Variants in FBXL20 observed in about 807,000 individuals in gnomAD.
FBXL20 encodes the protein F-box and leucine rich repeat protein 20, also known as F-box/LRR-repeat protein 20.
Under a neutral mutation model 64.0 loss-of-function variants are expected in FBXL20, and 11 were observed. The observed-to-expected ratio is 0.17, with a 90% confidence interval of 0.11 to 0.28. FBXL20 has a LOEUF of 0.28. Among genes scored for constraint, FBXL20 ranks in the 10% least tolerant of loss-of-function variants. FBXL20 has a pLI of 1.00. For missense variants in FBXL20, 303 were observed against 526.2 expected, an observed-to-expected ratio of 0.58 and a Z score of 4.15; for synonymous variants, 184 against 189.0, an observed-to-expected ratio of 0.97 and a Z score of 0.22.
chr17:39,276,767 A>C (rs2046900035), intron 9 of FBXL20, among the ~76,000 whole-genome samples: 1 of 152,162 alleles, frequency 6.6e-6, no homozygotes, highest in Non-Finnish European at 1.5e-5. Context: ...AATTTGTTGC[A>C]CAATAAGCCA....
chr17:39,282,594 G>GT, intron 8 of FBXL20, 135 bp downstream of exon 8: 1 of 1,150,114 alleles, frequency 8.7e-7, no homozygotes, highest in Non-Finnish European at 1.2e-6. Context: ...TTAATTTTTG[G>GT]TAAGCATTTG....
chr17:39,371,101 C>T (rs538698186), intron 1 of FBXL20, among the ~76,000 whole-genome samples: 33 of 152,126 alleles, frequency 2.2e-4, no homozygotes, highest in Admixed American at 3.9e-4. Flanking sequence ...GCCTGTAATC[C>T]GAGCTACTAA....
chr17:39,279,679 T>C (rs926286786), intron 9 of FBXL20, among the ~76,000 whole-genome samples: 1 of 152,078 alleles, frequency 6.6e-6, no homozygotes, highest in African/African-American at 2.4e-5. Context: ...GTGGATTGCT[T>C]GAGCCCAGGA....
intron 1 of FBXL20, among the ~76,000 whole-genome samples, chr17:39,352,031 T>TTG (rs889228698): frequency 1.3e-5 from 2 of 152,116 alleles, no homozygotes; most frequent in African/African-American, 4.8e-5. Flanking sequence ...ATTAAGCAGC[T>TTG]TGTGTGTGTG....
chr17:39,342,585 C>T (rs532446727), intron 2 of FBXL20, among the ~76,000 whole-genome samples: 167 of 152,218 alleles, frequency 1.1e-3, no homozygotes, highest in Non-Finnish European at 1.8e-3. Flanking sequence ...GGCATGGTGG[C>T]GGGCGCCTGT....
chr17:39,310,110 C>T lies in FBXL20; in HGVS notation c.105-6471G>A, dbSNP rs180985201. ...AGAGGTTGCAGTGAGCTGAGATCGC[C>T]CCACTGCACTCCAGTGACAGAATGA... On this transcript the variant is annotated intron_variant, in intron 2 of 14. Transcript: ENST00000264658. Among the ~76,000 whole-genome samples the T allele has an allele frequency of 7.6e-3, 1,147 of 150,668 alleles. 5 individuals are homozygous for T. Among genetic ancestry groups the T allele is most frequent in the Non-Finnish European group, 0.012 (794 of 67,642 alleles).
At chr17:39,344,787 C>A (rs2047617045) in intron 1 of FBXL20, among the ~76,000 whole-genome samples, 1 of 152,108 alleles carries the variant, frequency 6.6e-6, no homozygotes, top group Admixed American at 6.6e-5. Flanking sequence ...AATACTCTAT[C>A]TCAATAAAAA....
At chr17:39,290,675 C>T (rs2047029562) in intron 6 of FBXL20, among the ~76,000 whole-genome samples, 1 of 152,048 alleles carries the variant, frequency 6.6e-6, no homozygotes. Flanking sequence ...AGCGATCCTC[C>T]CACCTCAGCC....
intron 1 of FBXL20, among the ~76,000 whole-genome samples, chr17:39,386,020 G>A (rs1389605536): frequency 4.7e-5 from 4 of 85,984 alleles, no homozygotes; most frequent in Admixed American, 1.5e-4. Flanking sequence ...CAGAGATTCC[G>A]TCTCAAAAAA....
chr17:39,269,580 C>G (rs2046824139), intron 11 of FBXL20, among the ~76,000 whole-genome samples: 1 of 146,680 alleles, frequency 6.8e-6, no homozygotes, highest in Non-Finnish European at 1.5e-5. Context: ...CTCACTGCAA[C>G]CTCCGCCTCC....
intron 1 of FBXL20, among the ~76,000 whole-genome samples, chr17:39,360,711 C>T (rs568147540): frequency 1.3e-5 from 2 of 152,216 alleles, no homozygotes; most frequent in South Asian, 2.1e-4. Flanking sequence ...GCTTTCTTCC[C>T]GAACGCTGGC....
intron 1 of FBXL20, among the ~76,000 whole-genome samples, chr17:39,348,399 G>C (rs113131036): frequency 2.6e-5 from 4 of 152,110 alleles, no homozygotes; most frequent in African/African-American, 9.6e-5. Context: ...AGCGGAGGTT[G>C]CAGTGAGCCG....
chr17:39,343,086 A>G (rs2047598245), intron 2 of FBXL20, 94 bp downstream of exon 2: 9 of 767,280 alleles, frequency 1.2e-5, no homozygotes, highest in Non-Finnish European at 1.9e-5. Context: ...CAGATACTAT[A>G]CATATATGAA....
At chr17:39,349,839 G>A (rs1459541460) in intron 1 of FBXL20, among the ~76,000 whole-genome samples, 1 of 151,812 alleles carries the variant, frequency 6.6e-6, no homozygotes, top group Non-Finnish European at 1.5e-5. Flanking sequence ...AGGAGGCTGA[G>A]GCAGGAGAAT....
At chr17:39,325,538 CT>C (rs1431660079) in intron 2 of FBXL20, among the ~76,000 whole-genome samples, 1 of 152,124 alleles carries the variant, frequency 6.6e-6, no homozygotes, top group African/African-American at 2.4e-5. Context: ...ATGACAATTT[CT>C]AGTTTTACAG....
chr17:39,290,887 C>T (rs1170841116), intron 6 of FBXL20, among the ~76,000 whole-genome samples: 1 of 151,972 alleles, frequency 6.6e-6, no homozygotes, highest in African/African-American at 2.4e-5. Flanking sequence ...CTTGACTAAT[C>T]TAGACAGAGG....
At chr17:39,383,782 G>T (rs1016845032) in intron 1 of FBXL20, among the ~76,000 whole-genome samples, 10 of 151,648 alleles carry the variant, frequency 6.6e-5, no homozygotes, top group Non-Finnish European at 1.2e-4. Flanking sequence ...TAGAGACAGG[G>T]TTTCACCATG....
At chr17:39,296,400 A>G (rs1035897649) in intron 6 of FBXL20, among the ~76,000 whole-genome samples, 2 of 151,958 alleles carry the variant, frequency 1.3e-5, no homozygotes, top group Non-Finnish European at 2.9e-5. Context: ...CTCTACTAAA[A>G]ATACAAAAAA....
intron 2 of FBXL20, among the ~76,000 whole-genome samples, chr17:39,340,002 T>C (rs2047566940): frequency 6.6e-6 from 1 of 151,958 alleles, no homozygotes; most frequent in Non-Finnish European, 1.5e-5. Flanking sequence ...GCAATGGCGC[T>C]CACTGCAACC....
Sources: allele counts gnomAD v4.1 joint callset (sites outside exome capture counted in the v4.1 genomes callset), GRCh38; gene constraint gnomAD v4.1.1; transcripts MANE v1.5; gene names NCBI Gene and HGNC (gene_info 2026-07-23, HGNC 2026-07-21).